Variants in COL14A1 observed in about 807,000 individuals in gnomAD.
COL14A1 encodes collagen type XIV alpha 1 chain.
A neutral mutation model predicts 230.3 loss-of-function variants in COL14A1; 136 were observed. The observed-to-expected ratio is 0.59, with a 90% CI of 0.51 to 0.68. COL14A1 has a LOEUF of 0.68. Among genes scored for constraint, COL14A1 ranks in the 30% least tolerant of loss-of-function variants. The probability of loss-of-function intolerance (pLI) is 0.00; values close to 1 mark genes in which losing one functional copy is unlikely to be tolerated. For synonymous variants in COL14A1, 792 were observed against 784.1 expected (o/e 1.01, Z -0.17); for missense variants, 1,976 against 2,215.8 (o/e 0.89, Z 2.17).
chr8:120,331,912 G>C (rs1821881982), intron 40 of COL14A1, among the ~76,000 whole-genome samples: 1 of 152,206 alleles, frequency 6.6e-6, no homozygotes. Flanking sequence ...AAGTTTGTAA[G>C]TGGCATTTCT....
Position 120,202,972 on chromosome 8 carries a change from C to T in COL14A1, c.878-737C>T, listed in dbSNP as rs547259921. On this transcript the variant is annotated intron_variant, in intron 8 of 47. Coordinates refer to ENST00000297848, the MANE Select transcript of COL14A1 (RefSeq NM_021110.4). Reference sequence around the variant, plus strand: ...GCTTTCTCCTTGGCTTAATGCTATACAATAATAATAATTTCAAATATATAT... The same window carrying T: ...GCTTTCTCCTTGGCTTAATGCTATATAATAATAATAATTTCAAATATATAT... Among the ~76,000 whole-genome samples the T allele has an allele frequency of 4.3e-3, 470 of 108,448 alleles. 2 individuals carry two copies. Among genetic ancestry groups the T allele is most frequent in the African/African-American group, 0.014 (437 of 31,724 alleles). 71.1% of individuals were successfully genotyped at this position (108,448 alleles called of 152,430 possible). A position where few individuals can be genotyped will look rare whatever the true frequency, so the allele number is the denominator to read the frequency against.
At chr8:120,360,816 T>G (rs1164061652) in intron 45 of COL14A1, among the ~76,000 whole-genome samples, 1 of 152,202 alleles carries the variant, frequency 6.6e-6, no homozygotes, top group East Asian at 1.9e-4. Flanking sequence ...GTTGTTCGCC[T>G]TCTCCAGGCT....
chr8:120,211,869 A>G (rs116527668), intron 12 of COL14A1, among the ~76,000 whole-genome samples: 3,825 of 152,304 alleles, frequency 0.025, 127 homozygotes, highest in African/African-American at 0.081. Flanking sequence ...GGTGTTCAAG[A>G]ATCAAAAAAG....
Position 120,373,041 on chromosome 8 carries a change from C to A in COL14A1, c.*1810C>A, listed in dbSNP as rs1812215552. 6.6e-6 allele frequency among the ~76,000 whole-genome samples: 1 copy of A among 152,122 alleles called. No homozygotes were observed. Among genetic ancestry groups the A allele is most frequent in the African/African-American group, 2.4e-5 (1 of 41,412 alleles). ...AAGAGAACTCTTCCAACTTAAATGA[C>A]TAGGGTGTGTAATCAGTTGCTTCTT... On this transcript the variant is annotated 3_prime_UTR_variant, in exon 48 of 48. Transcript: ENST00000297848.
At position 120,185,540 on chromosome 8, in the gene COL14A1, G is replaced by C. The variant is rs1378745648; in HGVS notation, c.437-11251G>C. On this transcript the variant is annotated intron_variant, in intron 5 of 47. Coordinates refer to ENST00000297848, the MANE Select transcript of COL14A1 (RefSeq NM_021110.4). ...AACATTAACTGGGCATGTGATGTGT[G>C]CCTATTGTTCCAGCTACTCAGGAGG... 3.9e-5 allele frequency among the ~76,000 whole-genome samples: 6 copies of C among 152,006 alleles called. No individual in the cohort carries two copies. In the East Asian group the frequency reaches 1.2e-3, roughly 30 times the overall value.
intron 1 of COL14A1, among the ~76,000 whole-genome samples, chr8:120,133,868 C>G (rs1051223911): frequency 1.3e-5 from 2 of 151,812 alleles, no homozygotes; most frequent in Non-Finnish European, 2.9e-5. Context: ...TTAAGGAAAT[C>G]AATTTTACAA....
At position 120,289,596 on chromosome 8, in the gene COL14A1, A is replaced by G; in HGVS notation, c.4078-12A>G. ...TGTTTCTTACCTCCTAAAACATCTTACTTTTACCTAGCTACACATTGTTGT... is the reference window on the plus strand; with the variant it reads ...TGTTTCTTACCTCCTAAAACATCTTGCTTTTACCTAGCTACACATTGTTGT... On this transcript the variant is annotated splice_polypyrimidine_tract_variant and intron_variant, in intron 33 of 47. Coordinates refer to ENST00000297848, the MANE Select transcript of COL14A1 (RefSeq NM_021110.4). 1.2e-6 allele frequency: 2 copies of G among 1,612,184 alleles called. No individual in the cohort carries two copies. Among genetic ancestry groups the G allele is most frequent in the Non-Finnish European group, 1.7e-6 (2 of 1,179,170 alleles).
At chr8:120,222,613 G>T (rs368518977) in intron 14 of COL14A1, among the ~76,000 whole-genome samples, 1 of 152,174 alleles carries the variant, frequency 6.6e-6, no homozygotes, top group Non-Finnish European at 1.5e-5. Context: ...TTTTTCCAGG[G>T]TTGGCACTCT....
Position 120,160,092 on chromosome 8 carries a change from G to A in COL14A1, c.205+1846G>A, listed in dbSNP as rs1024866248. 3.3e-5 allele frequency among the ~76,000 whole-genome samples: 5 copies of A among 152,162 alleles called. No individual in the cohort carries two copies. The South Asian group carries it at 8.3e-4, about 25-fold the overall frequency. On this transcript the variant is annotated intron_variant, in intron 3 of 47. Transcript: ENST00000297848. ...ACTTTTCCCATGGTGGCGTACAGAA[G>A]TGACTTGCTTATGGAAAACAATATT...
intron 34 of COL14A1, among the ~76,000 whole-genome samples, chr8:120,294,713 T>G (rs916052925): frequency 2.0e-5 from 3 of 151,502 alleles, no homozygotes; most frequent in African/African-American, 7.3e-5. Flanking sequence ...GAAATGTGCC[T>G]TGGAAAAAAA....
rs115935232 is a variant in COL14A1, at chr8:120,369,120, G to A, written c.5156-210G>A. On this transcript the variant is annotated intron_variant, in intron 46 of 47. Coordinates refer to ENST00000297848, the MANE Select transcript of COL14A1 (RefSeq NM_021110.4). ...CTTGCCAGTTTCCTGAGCTGATTGAGAGCATTGACCTCCAGGAGGATAAGT... is the reference window on the plus strand; with the variant it reads ...CTTGCCAGTTTCCTGAGCTGATTGAAAGCATTGACCTCCAGGAGGATAAGT... Among the ~76,000 whole-genome samples the A allele has an allele frequency of 2.3e-3, 347 of 152,330 alleles. 1 individual carries two copies. Among genetic ancestry groups the A allele is most frequent in the African/African-American group, 7.5e-3 (311 of 41,576 alleles).
intron 1 of COL14A1, among the ~76,000 whole-genome samples, chr8:120,132,210 AATCT>A: frequency 6.6e-6 from 1 of 151,918 alleles, no homozygotes; most frequent in African/African-American, 2.4e-5. Context: ...TTAAGCCTTT[AATCT>A]ATTTTGAGTT....
intron 19 of COL14A1, among the ~76,000 whole-genome samples, chr8:120,242,816 A>G (rs1485081812): frequency 2.6e-5 from 4 of 152,200 alleles, no homozygotes; most frequent in Non-Finnish European, 1.5e-5. Flanking sequence ...AGGGCTTAGC[A>G]ATATCTTAGC....
At chr8:120,274,293 C>G (rs1388261557) in intron 26 of COL14A1, among the ~76,000 whole-genome samples, 1 of 151,758 alleles carries the variant, frequency 6.6e-6, no homozygotes, top group African/African-American at 2.4e-5. Context: ...ATGATAAATA[C>G]TTTCAACAAA....
Position 120,372,816 on chromosome 8 carries a change from G to C in COL14A1, c.*1585G>C, listed in dbSNP as rs947791541. On this transcript the variant is annotated 3_prime_UTR_variant, in exon 48 of 48. Transcript: ENST00000297848. ...AACAATCTACTTGTGTGCCTTTGGT[G>C]GGGTGGGGCAGGGGCGGGGGGCGGT... Among the ~76,000 whole-genome samples the C allele has an allele frequency of 4.6e-5, 7 of 152,022 alleles. No homozygotes were observed. Among genetic ancestry groups the C allele is most frequent in the African/African-American group, 1.7e-4 (7 of 41,362 alleles).
chr8:120,158,097 A>G (rs1815539967), intron 2 of COL14A1, 33 bp from the exon 3 acceptor site: 1 of 1,159,380 alleles, frequency 8.6e-7, no homozygotes, highest in Non-Finnish European at 1.3e-6. Flanking sequence ...TAAATGTTAC[A>G]ATGTTTACAT....
At chr8:120,171,168 CTT>C (rs915600950) in intron 5 of COL14A1, among the ~76,000 whole-genome samples, 8 of 152,098 alleles carry the variant, frequency 5.3e-5, no homozygotes, top group African/African-American at 1.9e-4. Context: ...TAATCAATAT[CTT>C]TACTATTTCC....
At chr8:120,277,828 A>C in intron 26 of COL14A1, 1 of 180,484 alleles carries the variant, frequency 5.5e-6, no homozygotes, top group Non-Finnish European at 1.2e-5. Context: ...TACCTGGGGG[A>C]CAGAATCATT....
chr8:120,343,538 C>T (rs1586882776), intron 44 of COL14A1, among the ~76,000 whole-genome samples: 2 of 152,284 alleles, frequency 1.3e-5, no homozygotes, highest in South Asian at 4.1e-4. Flanking sequence ...GAGATCTGCA[C>T]AGGCTTGGAA....
Sources: gnomAD v4.1 joint callset for allele counts (sites outside exome capture counted in the v4.1 genomes callset) on GRCh38, gnomAD v4.1.1 for gene constraint, MANE v1.5 for transcripts, NCBI Gene and HGNC (gene_info 2026-07-23, HGNC 2026-07-21) for gene names.